The following RGS7BP variants were observed in gnomAD, a reference collection of about 807,000 sequenced individuals.
The protein encoded by RGS7BP is regulator of G protein signaling 7 binding protein.
RGS7BP carries 9 observed loss-of-function variants against 31.3 expected under a neutral mutation model. The ratio of observed to expected loss-of-function variants is 0.29; its 90% CI spans 0.17 to 0.50. The LOEUF is 0.50. Among genes scored for constraint, RGS7BP ranks in the 20% least tolerant of loss-of-function variants. RGS7BP has a pLI of 0.98. For missense variants in RGS7BP, 274 were observed against 322.0 expected, an observed-to-expected ratio of 0.85 and a Z score of 1.14; for synonymous variants, 115 against 120.1, an observed-to-expected ratio of 0.96 and a Z score of 0.28.
At chr5:64,549,963 C>T (rs1435496111) in intron 2 of RGS7BP, among the ~76,000 whole-genome samples, 3 of 152,150 alleles carry the variant, frequency 2.0e-5, no homozygotes, top group Admixed American at 1.3e-4. Flanking sequence ...TTCTACCTTC[C>T]ACAAAACACG....
At chr5:64,593,873 C>T (rs76488526) in intron 3 of RGS7BP, among the ~76,000 whole-genome samples, 1 of 152,032 alleles carries the variant, frequency 6.6e-6, no homozygotes, top group Non-Finnish European at 1.5e-5. Flanking sequence ...TAGGATACCC[C>T]CCTATGGATG....
intron 2 of RGS7BP, among the ~76,000 whole-genome samples, chr5:64,526,260 T>C (rs528941204): frequency 1.4e-3 from 211 of 152,298 alleles, no homozygotes; most frequent in Non-Finnish European, 2.4e-3. Context: ...TGTACAAATG[T>C]AAGTTTGCTT....
At chr5:64,605,019 A>C (rs1034587230) in intron 5 of RGS7BP, among the ~76,000 whole-genome samples, 2 of 151,974 alleles carry the variant, frequency 1.3e-5, no homozygotes, top group East Asian at 3.9e-4. Flanking sequence ...AAATAAATAA[A>C]ATTTTTTTTA....
At chr5:64,594,930 G>C (rs766582442) in intron 4 of RGS7BP, 73 bp downstream of exon 4, 72 of 1,485,928 alleles carry the variant, frequency 4.8e-5, no homozygotes, top group Non-Finnish European at 6.6e-5. Context: ...ACAGAGAGAC[G>C]AGGTTTTCTA....
At chr5:64,540,974 G>A (rs111932427) in intron 2 of RGS7BP, among the ~76,000 whole-genome samples, 73 of 152,282 alleles carry the variant, frequency 4.8e-4, no homozygotes, top group Admixed American at 1.4e-3. Context: ...TGGAGAGCTC[G>A]GTGTTGGCAT....
At chr5:64,518,022 A>T (rs1199004550) in intron 2 of RGS7BP, among the ~76,000 whole-genome samples, 1 of 152,188 alleles carries the variant, frequency 6.6e-6, no homozygotes, top group Non-Finnish European at 1.5e-5. Context: ...AAATGCAAGG[A>T]AGCAGGAAGG....
chr5:64,608,432 G>C lies in RGS7BP; in HGVS notation c.683-729G>C, dbSNP rs114718615. 2.4e-3 allele frequency among the ~76,000 whole-genome samples: 362 copies of C among 152,096 alleles called. 3 individuals are homozygous for C. Among genetic ancestry groups the C allele is most frequent in the African/African-American group, 8.5e-3 (351 of 41,526 alleles). On this transcript the variant is annotated intron_variant, in intron 5 of 5. Transcript: ENST00000334025. Reference sequence around the variant, plus strand: ...CTGGCAGTCTTCTATGAATGCCCTTGTGTACAGAAATCTATAGAAAGTGCT... The same window carrying C: ...CTGGCAGTCTTCTATGAATGCCCTTCTGTACAGAAATCTATAGAAAGTGCT...
At chr5:64,571,726 C>T in intron 2 of RGS7BP, among the ~76,000 whole-genome samples, 1 of 152,108 alleles carries the variant, frequency 6.6e-6, no homozygotes, top group East Asian at 1.9e-4. Context: ...ATGTCATCCT[C>T]CTCCTACAGC....
At chr5:64,540,130 T>G (rs1741488795) in intron 2 of RGS7BP, among the ~76,000 whole-genome samples, 1 of 152,180 alleles carries the variant, frequency 6.6e-6, no homozygotes, top group African/African-American at 2.4e-5. Flanking sequence ...TTTCTGTAGT[T>G]GATTTTTAAA....
intron 2 of RGS7BP, among the ~76,000 whole-genome samples, chr5:64,545,426 A>C (rs537833299): frequency 6.6e-6 from 1 of 152,306 alleles, no homozygotes; most frequent in East Asian, 1.9e-4. Flanking sequence ...TAAAAAAAAA[A>C]AGAGTCGGCT....
chr5:64,606,509 G>T (rs1308831392), intron 5 of RGS7BP, among the ~76,000 whole-genome samples: 2 of 152,028 alleles, frequency 1.3e-5, no homozygotes, highest in African/African-American at 4.8e-5. Flanking sequence ...TGGTGACTCT[G>T]TTTTAGGGAA....
At chr5:64,551,703 C>G (rs1231334179) in intron 2 of RGS7BP, among the ~76,000 whole-genome samples, 1 of 152,118 alleles carries the variant, frequency 6.6e-6, no homozygotes, top group Non-Finnish European at 1.5e-5. Flanking sequence ...GAAAACACAG[C>G]ATGTTTTTCT....
At chr5:64,507,659 CT>C in intron 1 of RGS7BP, 51 bp from the exon 2 acceptor site, 1 of 1,515,404 alleles carries the variant, frequency 6.6e-7, no homozygotes, top group Non-Finnish European at 8.9e-7. Context: ...AAACAGGAAA[CT>C]TTCTGATGAG....
intron 5 of RGS7BP, among the ~76,000 whole-genome samples, chr5:64,601,777 A>T (rs1006551737): frequency 6.6e-6 from 1 of 152,278 alleles, no homozygotes; most frequent in African/African-American, 2.4e-5. Context: ...ACCTGTGGGG[A>T]GCCTGCAAGG....
chr5:64,594,604 A>G (rs1482444683), intron 3 of RGS7BP, 106 bp from the exon 4 acceptor site: 3 of 1,010,796 alleles, frequency 3.0e-6, no homozygotes, highest in Non-Finnish European at 4.5e-6. Flanking sequence ...TTAATGGAAC[A>G]TTTGACTCAA....
At chr5:64,537,143 TC>T (rs1458351084) in intron 2 of RGS7BP, among the ~76,000 whole-genome samples, 1 of 152,236 alleles carries the variant, frequency 6.6e-6, no homozygotes. Context: ...ACCAGTGGAT[TC>T]ATACTCAAAG....
chr5:64,508,956 A>G (rs1325443414), intron 2 of RGS7BP, among the ~76,000 whole-genome samples: 1 of 152,234 alleles, frequency 6.6e-6, no homozygotes, highest in Non-Finnish European at 1.5e-5. Flanking sequence ...TTTACATTTG[A>G]CCACAGGCAT....
chr5:64,577,699 T>G (rs1391998406), intron 3 of RGS7BP, among the ~76,000 whole-genome samples: 1 of 152,308 alleles, frequency 6.6e-6, no homozygotes, highest in East Asian at 1.9e-4. Context: ...TCCAAACTGA[T>G]GTCATTGGCC....
intron 2 of RGS7BP, among the ~76,000 whole-genome samples, chr5:64,518,655 A>T (rs1230064196): frequency 2.0e-5 from 3 of 152,126 alleles, no homozygotes; most frequent in Non-Finnish European, 4.4e-5. Context: ...ATCGGTTTGG[A>T]ATTATCTTCA....
Sources: gnomAD v4.1 joint callset for allele counts (sites outside exome capture counted in the v4.1 genomes callset) on GRCh38, gnomAD v4.1.1 for gene constraint, MANE v1.5 for transcripts, NCBI Gene and HGNC (gene_info 2026-07-23, HGNC 2026-07-21) for gene names.